The following LVRN variants were observed in gnomAD, a reference collection of about 807,000 sequenced individuals.
LVRN encodes the protein laeverin, also known as aminopeptidase Q.
A neutral mutation model predicts 111.4 loss-of-function variants in LVRN; 99 were observed. That is an observed-to-expected ratio of 0.89 (90% confidence interval 0.76 to 1.05). The LOEUF is 1.05. Among genes scored for constraint, LVRN ranks in the 50% least tolerant of loss-of-function variants. LVRN has a pLI of 0.00. For synonymous variants in LVRN, 488 were observed against 449.5 expected, an observed-to-expected ratio of 1.09 and a Z score of -1.08; for missense variants, 1,414 against 1,206.8, an observed-to-expected ratio of 1.17 and a Z score of -2.54.
At chr5:115,992,082 A>G in intron 4 of LVRN, 41 bp from the exon 5 acceptor site, 1 of 1,538,472 alleles carries the variant, frequency 6.5e-7, no homozygotes, top group Non-Finnish European at 8.7e-7. Context: ...CATTTTTTGG[A>G]AAAGATTATT....
chr5:115,983,474 G>A, intron 2 of LVRN, 45 bp downstream of exon 2: 1 of 1,535,320 alleles, frequency 6.5e-7, no homozygotes, highest in Non-Finnish European at 8.7e-7. Flanking sequence ...ATCTATATAA[G>A]CTTTGTAATC....
chr5:116,011,980 A>G (rs890880537), intron 14 of LVRN, among the ~76,000 whole-genome samples: 2 of 152,036 alleles, frequency 1.3e-5, no homozygotes, highest in African/African-American at 2.4e-5. Flanking sequence ...TGGATGTTTT[A>G]TGGTAGAAAG....
chr5:115,988,709 G>T (rs962837096), intron 4 of LVRN, among the ~76,000 whole-genome samples: 1 of 152,100 alleles, frequency 6.6e-6, no homozygotes, highest in Non-Finnish European at 1.5e-5. Context: ...CAGGGTCTCT[G>T]CAGCTTGAGC....
At chr5:115,990,262 G>T (rs1451324232) in intron 4 of LVRN, among the ~76,000 whole-genome samples, 1 of 152,064 alleles carries the variant, frequency 6.6e-6, no homozygotes, top group Non-Finnish European at 1.5e-5. Flanking sequence ...TTCCCTGTAG[G>T]CTATATGCCA....
At chr5:115,996,854 G>A (rs1748124040) in intron 6 of LVRN, among the ~76,000 whole-genome samples, 1 of 152,158 alleles carries the variant, frequency 6.6e-6, no homozygotes, top group Non-Finnish European at 1.5e-5. Flanking sequence ...GTAAGCTGAG[G>A]CAGGCAGATG....
rs116506857 is a variant in LVRN, at chr5:116,010,436, G to A, written c.2094-305G>A. 5.1e-3 allele frequency: 2,212 copies of A among 430,190 alleles called. 9 individuals carry two copies. Among genetic ancestry groups the A allele is most frequent in the Middle Eastern group, 0.01 (25 of 2,386 alleles). 26.6% of individuals were successfully genotyped at this position (430,190 alleles called of 1,614,324 possible). A position where few individuals can be genotyped will look rare whatever the true frequency, so the allele number is the denominator to read the frequency against. ...ATATTTGTTGAATGCAAATTATGCT[G>A]TCATAAGAATGCATACAGAATGCAT... is the stretch of plus-strand genomic sequence containing the variant. On this transcript the variant is annotated intron_variant, in intron 13 of 19. Transcript: ENST00000357872.
chr5:115,984,879 T>C (rs567452853), intron 3 of LVRN, among the ~76,000 whole-genome samples, 170 bp downstream of exon 3: 1 of 152,324 alleles, frequency 6.6e-6, no homozygotes, highest in Non-Finnish European at 1.5e-5. Flanking sequence ...GGACATAACA[T>C]TTCCTACTGC....
In LVRN at chr5:116,016,863, T is replaced by A. The variant is rs186331655; in HGVS notation, c.2756+1098T>A. Among the ~76,000 whole-genome samples the A allele has an allele frequency of 4.6e-3, 697 of 151,678 alleles. 2 individuals are homozygous for A. The highest frequency in any genetic ancestry group is 0.014 in the African/African-American group (573 of 41,314). ...ACCCTCTCATTTGGTTCTGGAACTG[T>A]AAAAAAAAACCCATTAGTTAACATT... On this transcript the variant is annotated intron_variant, in intron 18 of 19. Transcript: ENST00000357872.
At chr5:116,002,746 G>A in intron 10 of LVRN, 89 bp from the exon 11 acceptor site, 1 of 925,356 alleles carries the variant, frequency 1.1e-6, no homozygotes, top group Non-Finnish European at 1.6e-6. Context: ...TGAGTTCTGT[G>A]TGCTATTTCA....
At chr5:115,977,109 C>T (rs1753465653) in intron 1 of LVRN, among the ~76,000 whole-genome samples, 1 of 152,166 alleles carries the variant, frequency 6.6e-6, no homozygotes, top group African/African-American at 2.4e-5. Context: ...ATTCTTTCCC[C>T]AGCAGCTTCT....
Position 116,001,115 on chromosome 5 carries a change from A to G in LVRN, c.1696A>G (p.Ile566Val), listed in dbSNP as rs759190554. 4 of 1,612,552 alleles carry G rather than the reference A, an allele frequency of 2.5e-6. No homozygotes were observed. In the East Asian group the frequency reaches 6.7e-5, roughly 27 times the overall value. Residue 566 changes from isoleucine to valine, a missense_variant, in exon 10 of 20, where the codon ATA becomes GTA. Coordinates refer to ENST00000357872, the MANE Select transcript of LVRN (RefSeq NM_173800.5). ...TATTTTGCCAGCAACAATAAAAAACATAATGGACAGTTGGACACACCAGAG... is the reference window on the plus strand; with the variant it reads ...TATTTTGCCAGCAACAATAAAAAACGTAATGGACAGTTGGACACACCAGAG... The part of the protein sequence containing the change: ...TVILPATIKN[I>V]MDSWTHQSGF...
At chr5:116,017,524 C>T (rs1361634447) in intron 18 of LVRN, among the ~76,000 whole-genome samples, 2 of 152,194 alleles carry the variant, frequency 1.3e-5, no homozygotes, top group East Asian at 1.9e-4. Flanking sequence ...CTCTTCATTA[C>T]TGTCCTTTGT....
intron 18 of LVRN, among the ~76,000 whole-genome samples, chr5:116,018,522 AG>A (rs1302605328): frequency 6.6e-6 from 1 of 151,866 alleles, no homozygotes; most frequent in Non-Finnish European, 1.5e-5. Flanking sequence ...AAAATACAAA[AG>A]TAGCCAGGCA....
rs1268154862 is a variant in LVRN at position 115,984,578 on chromosome 5, G to A, written c.847G>A (p.Glu283Lys). Residue 283 changes from glutamate (E) to lysine (K), a missense_variant, in exon 3 of 20, where the codon GAA (glutamate) becomes AAA (lysine). Physicochemically the swap from Glu to Lys is moderately conservative, Grantham distance 56. Coordinates refer to ENST00000357872, the MANE Select transcript of LVRN (RefSeq NM_173800.5). The part of the protein sequence containing the change: ...LSNMPKLGQS[E>K]KEDVNGSKWT... ...AAAATAAAATTCTCTAGGTCAGTCT[G>A]AAAAAGAAGATGTGAATGGAAGCAA... The A allele has an allele frequency of 6.2e-7, 1 of 1,613,214 alleles. No individual in the cohort carries two copies. The highest frequency in any genetic ancestry group is 1.3e-5 in the African/African-American group (1 of 74,862).
At chr5:115,997,120 C>G (rs1748130270) in intron 6 of LVRN, among the ~76,000 whole-genome samples, 1 of 152,080 alleles carries the variant, frequency 6.6e-6, no homozygotes, top group African/African-American at 2.4e-5. Context: ...ATCCGTTGTG[C>G]TTGGAACATC....
chr5:115,967,674 T>A (rs1233323427), intron 1 of LVRN, among the ~76,000 whole-genome samples: 1 of 152,226 alleles, frequency 6.6e-6, no homozygotes, highest in East Asian at 1.9e-4. Context: ...GTTAAACCTT[T>A]ATGTAAATTT....
At chr5:116,025,916 C>T in intron 19 of LVRN, 62 bp from the exon 20 acceptor site, 1 of 1,592,268 alleles carries the variant, frequency 6.3e-7, no homozygotes, top group Non-Finnish European at 8.5e-7. Flanking sequence ...AGCATTTAGA[C>T]ATTTACTTTG....
intron 18 of LVRN, among the ~76,000 whole-genome samples, chr5:116,019,300 G>A (rs529885680): frequency 1.3e-5 from 2 of 152,308 alleles, no homozygotes; most frequent in Non-Finnish European, 2.9e-5. Flanking sequence ...TAGGAATTTT[G>A]TAGCTCCTTT....
At chr5:115,963,512 G>T (rs921686319) in intron 1 of LVRN, among the ~76,000 whole-genome samples, 200 bp downstream of exon 1, 3 of 152,116 alleles carry the variant, frequency 2.0e-5, no homozygotes, top group Non-Finnish European at 4.4e-5. Flanking sequence ...CAACGTGCAG[G>T]TTTGTTACAT....
Sources: gnomAD v4.1 joint callset for allele counts (sites outside exome capture counted in the v4.1 genomes callset) on GRCh38, gnomAD v4.1.1 for gene constraint, MANE v1.5 for transcripts, NCBI Gene and HGNC (gene_info 2026-07-23, HGNC 2026-07-21) for gene names.